FRMD3: variants seen among roughly 807,000 people sequenced by gnomAD.
FRMD3 encodes the protein FERM domain containing 3, also known as FERM domain-containing protein 3.
A neutral mutation model predicts 70.2 loss-of-function variants in FRMD3; 33 were observed. That is an observed-to-expected ratio of 0.47 (90% confidence interval 0.36 to 0.63). The LOEUF (loss-of-function observed/expected upper bound fraction) is 0.63, where lower values mean the gene tolerates loss of function less well. Ranked by LOEUF, FRMD3 falls within the 20% of genes least tolerant of loss-of-function variation. The probability of loss-of-function intolerance (pLI) is 0.00; values close to 1 mark genes in which losing one functional copy is unlikely to be tolerated. For missense variants in FRMD3, 632 were observed against 711.4 expected, an observed-to-expected ratio of 0.89 and a Z score of 1.27; for synonymous variants, 279 against 255.9, an observed-to-expected ratio of 1.09 and a Z score of -0.86.
chr9:83,558,944 C>A, the FRMD3 span, among the ~76,000 whole-genome samples: 1 of 152,182 alleles, frequency 6.6e-6, no homozygotes, highest in African/African-American at 2.4e-5. Flanking sequence ...GAGAAAACTT[C>A]ATTAGATGAG....
chr9:83,446,386 G>C (rs1587860146), intron 1 of FRMD3, among the ~76,000 whole-genome samples: 1 of 152,102 alleles, frequency 6.6e-6, no homozygotes, highest in East Asian at 1.9e-4. Flanking sequence ...GGTGGCTCAC[G>C]CATGTAATCC....
chr9:83,338,685 A>G (rs1047743771), intron 5 of FRMD3, among the ~76,000 whole-genome samples: 3 of 152,160 alleles, frequency 2.0e-5, no homozygotes, highest in Non-Finnish European at 2.9e-5. Flanking sequence ...ACAAAAAAAC[A>G]ATATTAATCA....
At chr9:83,257,476 C>T (rs1215975563) in intron 13 of FRMD3, among the ~76,000 whole-genome samples, 1 of 152,044 alleles carries the variant, frequency 6.6e-6, no homozygotes, top group Non-Finnish European at 1.5e-5. Flanking sequence ...ACCTATGTAA[C>T]AAACCTGCAC....
At chr9:83,255,054 G>A (rs867354204) in intron 13 of FRMD3, among the ~76,000 whole-genome samples, 10 of 152,066 alleles carry the variant, frequency 6.6e-5, no homozygotes, top group Admixed American at 2.6e-4. Context: ...ATCCTATACC[G>A]AAACCTGGCA....
At chr9:83,260,208 G>T (rs569013912) in intron 13 of FRMD3, among the ~76,000 whole-genome samples, 1 of 152,220 alleles carries the variant, frequency 6.6e-6, no homozygotes, top group African/African-American at 2.4e-5. Context: ...ATGTCTACTC[G>T]GCTGGATACT....
chr9:83,466,230 T>A (rs1303023334), intron 1 of FRMD3, among the ~76,000 whole-genome samples: 1 of 152,216 alleles, frequency 6.6e-6, no homozygotes, highest in African/African-American at 2.4e-5. Flanking sequence ...AACTCCTGTC[T>A]AGGAAATTAC....
At chr9:83,525,375 G>T (rs965492806) in intron 1 of FRMD3, among the ~76,000 whole-genome samples, 15 of 152,086 alleles carry the variant, frequency 9.9e-5, no homozygotes, top group African/African-American at 3.6e-4. Context: ...GATTATTGTT[G>T]TTTGAGCAAT....
rs187719071 is a variant in FRMD3 at position 83,424,959 on chromosome 9, A to G, written c.148-35251T>C. On this transcript the variant is annotated intron_variant, in intron 1 of 13. Transcript: ENST00000304195. ...GTCCTGCGCTACTGCTCCAACTAGT[A>G]TGAAAAACTAGTTTACAAGTAGATG... Among the ~76,000 whole-genome samples, 10 of 152,326 alleles carry G rather than the reference A, an allele frequency of 6.6e-5. No homozygotes were observed. The East Asian group carries it at 9.7e-4, about 15-fold the overall frequency.
At chr9:83,399,881 T>C (rs1344244580) in intron 1 of FRMD3, among the ~76,000 whole-genome samples, 1 of 152,218 alleles carries the variant, frequency 6.6e-6, no homozygotes, top group Non-Finnish European at 1.5e-5. Context: ...TCATACTTAA[T>C]AGTGAGAAAC....
Position 83,290,454 on chromosome 9 carries a change from CA to C in FRMD3, c.1195+148del. On this transcript the variant is annotated intron_variant, in intron 13 of 13. Transcript: ENST00000304195. ...CCAGTATAATACAGCCTTCCAGCTG[CA>C]AAAAGCTTATTTACTAAAAACATAG... 7 of 842,548 alleles carry C rather than the reference CA, an allele frequency of 8.3e-6. 1 individual carries two copies. In the South Asian group the frequency reaches 1.1e-4, roughly 13 times the overall value. The allele number at this position is 842,548 out of a possible 1,614,324, so 52.2% of individuals were successfully genotyped here.
At chr9:83,567,728 T>G in the FRMD3 span, among the ~76,000 whole-genome samples, 2 of 151,992 alleles carry the variant, frequency 1.3e-5, no homozygotes, top group Non-Finnish European at 2.9e-5. Context: ...ATAACAAGAG[T>G]CACTTTTGCT....
At chr9:83,505,036 A>C (rs1829151427) in intron 1 of FRMD3, among the ~76,000 whole-genome samples, 2 of 152,212 alleles carry the variant, frequency 1.3e-5, no homozygotes, top group Non-Finnish European at 1.5e-5. Flanking sequence ...ATTCATTCTT[A>C]TGGCAAAAAA....
intron 1 of FRMD3, among the ~76,000 whole-genome samples, chr9:83,499,349 T>G (rs956001989): frequency 2.6e-5 from 4 of 152,126 alleles, no homozygotes; most frequent in Non-Finnish European, 5.9e-5. Context: ...GAACTCCATA[T>G]GAACAGGACA....
chr9:83,310,393 T>C, intron 9 of FRMD3, 92 bp downstream of exon 9: 1 of 1,002,472 alleles, frequency 1.0e-6, no homozygotes, highest in African/African-American at 1.6e-5. Flanking sequence ...AGTCATGGTC[T>C]TTGGCGACTA....
intron 1 of FRMD3, among the ~76,000 whole-genome samples, chr9:83,515,614 G>A (rs1277370425): frequency 6.6e-6 from 1 of 152,116 alleles, no homozygotes; most frequent in Non-Finnish European, 1.5e-5. Flanking sequence ...AGGAAATACA[G>A]AGAATGCCAC....
chr9:83,522,542 A>T (rs964828743), intron 1 of FRMD3, among the ~76,000 whole-genome samples: 1 of 149,470 alleles, frequency 6.7e-6, no homozygotes, highest in Non-Finnish European at 1.5e-5. Flanking sequence ...GAAATAAACC[A>T]CAAATTTTAT....
At chr9:83,362,860 T>TTCCC (rs1379586896) in intron 3 of FRMD3, among the ~76,000 whole-genome samples, 2 of 130,082 alleles carry the variant, frequency 1.5e-5, no homozygotes, top group Non-Finnish European at 3.3e-5. Context: ...CCCTCCTTCC[T>TTCCC]TCCCTCCCTC....
At chr9:83,570,311 G>C in the FRMD3 span, among the ~76,000 whole-genome samples, 483 of 152,246 alleles carry the variant, frequency 3.2e-3, 9 homozygotes, top group East Asian at 0.06. Flanking sequence ...AAATAAGCAG[G>C]GAAAGGAAAA....
At chr9:83,372,205 G>A (rs1397402652) in intron 3 of FRMD3, among the ~76,000 whole-genome samples, 1 of 152,002 alleles carries the variant, frequency 6.6e-6, no homozygotes, top group Non-Finnish European at 1.5e-5. Context: ...AAGCAGGTTG[G>A]CTACAGCCTG....
Sources: allele counts gnomAD v4.1 joint callset (sites outside exome capture counted in the v4.1 genomes callset), GRCh38; gene constraint gnomAD v4.1.1; transcripts MANE v1.5; gene names NCBI Gene and HGNC (gene_info 2026-07-23, HGNC 2026-07-21).